PTPRN2: variants seen among roughly 807,000 people sequenced by gnomAD.
The protein encoded by PTPRN2 is receptor-type tyrosine-protein phosphatase N2.
Under a neutral mutation model 118.8 loss-of-function variants are expected in PTPRN2, and 74 were observed. The observed-to-expected ratio is 0.62, with a 90% CI of 0.52 to 0.76. The LOEUF is 0.76. Among genes scored for constraint, PTPRN2 ranks in the 30% least tolerant of loss-of-function variants. The pLI, the probability that PTPRN2 is intolerant of heterozygous loss-of-function variation, is 0.00. For synonymous variants in PTPRN2, 641 were observed against 608.0 expected, an observed-to-expected ratio of 1.05 and a Z score of -0.80; for missense variants, 1,481 against 1,394.4, an observed-to-expected ratio of 1.06 and a Z score of -0.99.
At chr7:158,105,045 C>T (rs539613084) in intron 10 of PTPRN2, among the ~76,000 whole-genome samples, 11 of 151,178 alleles carry the variant, frequency 7.3e-5, no homozygotes, top group Admixed American at 6.6e-4. Flanking sequence ...TCAGCTCCTT[C>T]CCAACTCCAC....
chr7:157,622,483 C>T lies in PTPRN2; in HGVS notation c.2197-974G>A, dbSNP rs1803316433. Among the ~76,000 whole-genome samples the T allele has an allele frequency of 6.6e-6, 1 of 152,176 alleles. No homozygotes were observed. Among genetic ancestry groups the T allele is most frequent in the Non-Finnish European group, 1.5e-5 (1 of 68,046 alleles). Reference sequence around the variant, plus strand: ...AGCTGGGATGGTCCCTCCCTGCCCACTGGGGCCCGTTCCAGGAGACAGGTA... The same window carrying T: ...AGCTGGGATGGTCCCTCCCTGCCCATTGGGGCCCGTTCCAGGAGACAGGTA... On this transcript the variant is annotated intron_variant, in intron 14 of 22. Transcript: ENST00000389418. The surrounding 1 kb of genome is among the most constrained non-coding windows in gnomAD (Gnocchi z 5.3).
At chr7:157,639,399 A>G (rs1433737484) in intron 14 of PTPRN2, among the ~76,000 whole-genome samples, 1 of 152,190 alleles carries the variant, frequency 6.6e-6, no homozygotes, top group Non-Finnish European at 1.5e-5. Flanking sequence ...GTGATGTGAG[A>G]TGAAGCACAG....
chr7:158,263,897 C>T (rs1331775174), intron 3 of PTPRN2, among the ~76,000 whole-genome samples: 14 of 152,200 alleles, frequency 9.2e-5, no homozygotes, highest in Admixed American at 2.6e-4. Context: ...ACACCCTGCA[C>T]CCAGCGGAGG....
At chr7:158,379,965 A>G (rs1280544052) in intron 2 of PTPRN2, among the ~76,000 whole-genome samples, 1 of 152,136 alleles carries the variant, frequency 6.6e-6, no homozygotes, top group Non-Finnish European at 1.5e-5. Context: ...CCCTTATAAA[A>G]CCATCAGATC....
chr7:158,060,593 C>T (rs1810256747), intron 11 of PTPRN2, among the ~76,000 whole-genome samples: 1 of 152,220 alleles, frequency 6.6e-6, no homozygotes, highest in Non-Finnish European at 1.5e-5. Context: ...CTGCAAAGAT[C>T]CTATTTCCAA....
Position 158,205,163 on chromosome 7 carries a change from A to G in PTPRN2, c.380+8T>C, listed in dbSNP as rs1827023400. The G allele has an allele frequency of 1.9e-6, 3 of 1,608,322 alleles. No homozygotes were observed. Among genetic ancestry groups the G allele is most frequent in the Admixed American group, 3.3e-5 (2 of 59,986 alleles). ...GAGCAAGGAGCAACAAGCCACGTCC[A>G]CACTTACCTGGCTGGGCTGGATGCT... On this transcript the variant is annotated splice_region_variant and intron_variant, in intron 4 of 22. Transcript: ENST00000389418.
intron 12 of PTPRN2, among the ~76,000 whole-genome samples, chr7:157,710,169 C>T (rs537551158): frequency 6.6e-6 from 1 of 152,318 alleles, no homozygotes; most frequent in East Asian, 1.9e-4. Context: ...ACGAACCTAA[C>T]AAAGAGCTAA....
At chr7:158,451,776 G>A (rs540251903) in intron 2 of PTPRN2, among the ~76,000 whole-genome samples, 43 of 152,276 alleles carry the variant, frequency 2.8e-4, no homozygotes, top group African/African-American at 1.0e-3. Flanking sequence ...GAGTCAGGCT[G>A]GTGAGTTAAA....
intron 11 of PTPRN2, among the ~76,000 whole-genome samples, chr7:157,943,927 A>G (rs972126955): frequency 6.6e-6 from 1 of 152,088 alleles, no homozygotes; most frequent in Non-Finnish European, 1.5e-5. Flanking sequence ...TTGACTCCCT[A>G]TTATTTTTCT....
chr7:157,711,654 T>C (rs1262125774), intron 12 of PTPRN2, among the ~76,000 whole-genome samples: 2 of 152,120 alleles, frequency 1.3e-5, no homozygotes, highest in African/African-American at 4.8e-5. Flanking sequence ...AGCTGTCTAA[T>C]GCAGGGCCTA....
chr7:158,261,129 C>T (rs1404218470), intron 3 of PTPRN2, among the ~76,000 whole-genome samples: 9 of 152,102 alleles, frequency 5.9e-5, no homozygotes, highest in African/African-American at 1.7e-4. Context: ...GCAACAGTGC[C>T]CATCCCGAGC....
At chr7:157,594,886 C>T (rs565160097) in intron 17 of PTPRN2, among the ~76,000 whole-genome samples, 19 of 152,316 alleles carry the variant, frequency 1.2e-4, no homozygotes, top group Non-Finnish European at 2.2e-4. Context: ...GTACTTGGGT[C>T]CTGCTGTGAC....
chr7:158,204,544 A>G (rs10282471), intron 4 of PTPRN2, among the ~76,000 whole-genome samples: 1 of 151,576 alleles, frequency 6.6e-6, no homozygotes. Context: ...GTTTTTTTTT[A>G]AAAAACATGA....
chr7:158,086,848 G>A lies in PTPRN2; in HGVS notation c.1644-5471C>T, dbSNP rs979490619. On this transcript the variant is annotated intron_variant, in intron 10 of 22. Transcript: ENST00000389418. ...AATGAACAGGATCATCGACTGCCTAGCATCTGTGTTGAAGCGCTTTCACAC... is the reference window on the plus strand; with the variant it reads ...AATGAACAGGATCATCGACTGCCTAACATCTGTGTTGAAGCGCTTTCACAC... 2.6e-5 allele frequency among the ~76,000 whole-genome samples: 4 copies of A among 152,286 alleles called. No individual in the cohort carries two copies. The East Asian group carries it at 5.8e-4, about 22-fold the overall frequency.
intron 1 of PTPRN2, among the ~76,000 whole-genome samples, chr7:158,562,048 A>G (rs1456652009): frequency 1.3e-5 from 2 of 152,228 alleles, no homozygotes; most frequent in Non-Finnish European, 1.5e-5. Flanking sequence ...TTGAGATCTC[A>G]TGACCTCCAA....
Position 157,990,667 on chromosome 7 carries a change from A to G in PTPRN2, c.1723+90631T>C, listed in dbSNP as rs1585153878. ...GGACATGCTGGTCCCCTTCCCAGTG[A>G]AGTCCCAGGAAACAGCCTCTCATGT... On this transcript the variant is annotated intron_variant, in intron 11 of 22. Transcript: ENST00000389418. The surrounding 1 kb of genome is among the most constrained non-coding windows in gnomAD (Gnocchi z 4.3). Among the ~76,000 whole-genome samples, 2 of 152,148 alleles carry G rather than the reference A, an allele frequency of 1.3e-5. No individual in the cohort carries two copies. The highest frequency in any genetic ancestry group is 3.9e-4 in the East Asian group (2 of 5,182).
intron 12 of PTPRN2, among the ~76,000 whole-genome samples, chr7:157,823,571 T>C (rs1806984667): frequency 6.6e-6 from 1 of 152,226 alleles, no homozygotes. Flanking sequence ...CTAGGATCCC[T>C]GTTGTCTTCA....
chr7:158,161,336 G>A (rs1385085986), intron 6 of PTPRN2, among the ~76,000 whole-genome samples: 5 of 152,154 alleles, frequency 3.3e-5, no homozygotes, highest in South Asian at 2.1e-4. Context: ...CCATTGTTAC[G>A]ACTCACTCCA....
intron 13 of PTPRN2, among the ~76,000 whole-genome samples, chr7:157,670,294 G>T (rs906701721): frequency 6.6e-6 from 1 of 152,078 alleles, no homozygotes; most frequent in African/African-American, 2.4e-5. Context: ...CCGACGTGCT[G>T]AAACCCGACC....
Sources: gnomAD v4.1 joint callset for allele counts (sites outside exome capture counted in the v4.1 genomes callset) on GRCh38, gnomAD v4.1.1 for gene constraint, Gnocchi (gnomAD v3.1) non-coding constraint, MANE v1.5 for transcripts, NCBI Gene and HGNC (gene_info 2026-07-23, HGNC 2026-07-21) for gene names.